GRM8: variants seen among roughly 807,000 people sequenced by gnomAD.
The protein encoded by GRM8 is metabotropic glutamate receptor 8.
In GRM8, 47 loss-of-function variants were observed where a neutral mutation model predicts 87.2. The observed-to-expected ratio is 0.54, with a 90% CI of 0.43 to 0.69. GRM8 has a LOEUF of 0.69. Ranked by LOEUF, GRM8 falls within the 30% of genes least tolerant of loss-of-function variation. The pLI, the probability that GRM8 is intolerant of heterozygous loss-of-function variation, is 0.00. For synonymous variants in GRM8, 396 were observed against 404.5 expected (o/e 0.98, Z 0.25); for missense variants, 1,019 against 1,139.2 (o/e 0.89, Z 1.52).
intron 8 of GRM8, among the ~76,000 whole-genome samples, chr7:126,577,944 T>C (rs1274492197): frequency 6.6e-6 from 1 of 152,162 alleles, no homozygotes; most frequent in Non-Finnish European, 1.5e-5. Context: ...TCTTTCTCTA[T>C]TCCCTCCTTT....
intron 1 of GRM8, among the ~76,000 whole-genome samples, chr7:127,246,561 C>A (rs1269089447): frequency 6.6e-6 from 1 of 152,116 alleles, no homozygotes; most frequent in African/African-American, 2.4e-5. Context: ...AACCATGAAC[C>A]CTCATAGCCC....
intron 3 of GRM8, among the ~76,000 whole-genome samples, chr7:127,048,164 G>A (rs1191632592): frequency 2.0e-5 from 3 of 152,206 alleles, no homozygotes; most frequent in Admixed American, 6.5e-5. Flanking sequence ...GCGGGAAGGG[G>A]AGGGGAAAGA....
intron 8 of GRM8, among the ~76,000 whole-genome samples, chr7:126,541,104 C>T (rs999190597): frequency 2.1e-4 from 32 of 151,974 alleles, no homozygotes; most frequent in Non-Finnish European, 4.6e-4. Context: ...CCAGACACAA[C>T]GTAGATGGGG....
intron 6 of GRM8, among the ~76,000 whole-genome samples, chr7:126,771,161 ATT>A (rs1818805303): frequency 6.6e-6 from 1 of 152,202 alleles, no homozygotes; most frequent in African/African-American, 2.4e-5. Context: ...TTCAACAAAT[ATT>A]TGTTTTCTGA....
At position 127,033,644 on chromosome 7, in the gene GRM8, A is replaced by G. The variant is rs185225448; in HGVS notation, c.727+72852T>C. Among the ~76,000 whole-genome samples, 38 of 152,232 alleles carry G rather than the reference A, an allele frequency of 2.5e-4. No individual in the cohort carries two copies. The East Asian group carries it at 5.8e-3, about 23-fold the overall frequency. On this transcript the variant is annotated intron_variant, in intron 3 of 10. Transcript: ENST00000339582. ...CCTGGAAAGCTGGGTTCTTTCTCCA[A>G]ATCTCATGTACCTCATCATGGCTTT...
intron 9 of GRM8, among the ~76,000 whole-genome samples, chr7:126,503,537 CTGT>C (rs1809958347): frequency 6.6e-6 from 1 of 152,070 alleles, no homozygotes; most frequent in East Asian, 1.9e-4. Context: ...GTTAGCAAAT[CTGT>C]TGTTAGCAGA....
intron 7 of GRM8, among the ~76,000 whole-genome samples, chr7:126,705,064 G>A (rs1458661112): frequency 6.6e-6 from 1 of 151,956 alleles, no homozygotes; most frequent in African/African-American, 2.4e-5. Flanking sequence ...TCCCCTGGAC[G>A]CCCAGCTTTA....
In GRM8 at chr7:126,469,055, G is replaced by T. The variant is rs2150548312; in HGVS notation, c.2431-22683C>A. On this transcript the variant is annotated intron_variant, in intron 9 of 10. Transcript: ENST00000339582. ...AATCTTTGTTTCAGCATTTATTGTT[G>T]TTAGTATATAAGACCAACACCCACT... is the stretch of plus-strand genomic sequence containing the variant. Among the ~76,000 whole-genome samples the T allele has an allele frequency of 2.0e-5, 3 of 152,102 alleles. No individual in the cohort carries two copies. In the South Asian group the frequency reaches 6.2e-4, roughly 32 times the overall value.
At chr7:126,991,082 T>G (rs1812615657) in intron 3 of GRM8, among the ~76,000 whole-genome samples, 1 of 152,170 alleles carries the variant, frequency 6.6e-6, no homozygotes, top group Non-Finnish European at 1.5e-5. Context: ...TGGATTAAAT[T>G]TTTTATATTA....
intron 7 of GRM8, among the ~76,000 whole-genome samples, chr7:126,717,987 C>T (rs1419238742): frequency 6.6e-6 from 1 of 151,952 alleles, no homozygotes; most frequent in Admixed American, 6.6e-5. Flanking sequence ...AATCTCAGCA[C>T]TTTGGGAGGC....
intron 6 of GRM8, among the ~76,000 whole-genome samples, chr7:126,814,663 G>A (rs1793606647): frequency 6.6e-6 from 1 of 151,104 alleles, no homozygotes. Flanking sequence ...ATTTTCCATA[G>A]AGCTCTGATT....
At chr7:127,033,467 T>C (rs1219065486) in intron 3 of GRM8, among the ~76,000 whole-genome samples, 1 of 152,136 alleles carries the variant, frequency 6.6e-6, no homozygotes, top group African/African-American at 2.4e-5. Flanking sequence ...TGAGCACCTA[T>C]GTACCATGAA....
chr7:127,251,687 C>CCGCCCGAG (rs1209206699), intron 1 of GRM8, among the ~76,000 whole-genome samples: 8 of 151,332 alleles, frequency 5.3e-5, no homozygotes, highest in Non-Finnish European at 1.0e-4. Flanking sequence ...CCGCACCTGG[C>CCGCCCGAG]CGCCCGAGCG....
intron 9 of GRM8, among the ~76,000 whole-genome samples, chr7:126,479,091 G>A (rs1806350792): frequency 6.6e-6 from 1 of 150,796 alleles, no homozygotes; most frequent in Non-Finnish European, 1.5e-5. Flanking sequence ...AACTACCTTA[G>A]CCTTTTATGC....
chr7:126,581,997 C>T (rs1311396052), intron 8 of GRM8, among the ~76,000 whole-genome samples: 2 of 152,062 alleles, frequency 1.3e-5, no homozygotes, highest in Admixed American at 6.6e-5. Flanking sequence ...AGGCCAACTA[C>T]CAACACTACA....
chr7:126,655,223 T>C (rs1363318145), intron 7 of GRM8, among the ~76,000 whole-genome samples: 1 of 152,240 alleles, frequency 6.6e-6, no homozygotes, highest in African/African-American at 2.4e-5. Context: ...CATTCACTCA[T>C]GTTTTCAATG....
chr7:126,731,549 C>A (rs758154659), intron 7 of GRM8, among the ~76,000 whole-genome samples: 1 of 152,000 alleles, frequency 6.6e-6, no homozygotes, highest in Non-Finnish European at 1.5e-5. Context: ...TTAACTTGTG[C>A]ATTCTGTGAC....
chr7:127,241,196 G>C (rs1171673908), intron 2 of GRM8, among the ~76,000 whole-genome samples: 2 of 152,162 alleles, frequency 1.3e-5, no homozygotes, highest in Non-Finnish European at 2.9e-5. Context: ...AATCCATACA[G>C]AGGCTGCACA....
chr7:126,832,430 A>G (rs1183069008), intron 6 of GRM8, among the ~76,000 whole-genome samples: 1 of 152,176 alleles, frequency 6.6e-6, no homozygotes, highest in Non-Finnish European at 1.5e-5. Context: ...TATATTCTGT[A>G]TCTAAACTCA....
Sources: allele counts gnomAD v4.1 joint callset (sites outside exome capture counted in the v4.1 genomes callset), GRCh38; gene constraint gnomAD v4.1.1; transcripts MANE v1.5; gene names NCBI Gene and HGNC (gene_info 2026-07-23, HGNC 2026-07-21).